SEC23A: variants seen among roughly 807,000 people sequenced by gnomAD.
SEC23A encodes SEC23 homolog A, COPII component, also known as protein transport protein Sec23A.
In SEC23A, 56 loss-of-function variants were observed where a neutral mutation model predicts 103.7. That is an observed-to-expected ratio of 0.54 (90% confidence interval 0.44 to 0.67). The LOEUF is 0.67. Ranked by LOEUF, SEC23A falls within the 30% of genes least tolerant of loss-of-function variation. The pLI is 0.00. For synonymous variants in SEC23A, 281 were observed against 293.0 expected (o/e 0.96, Z 0.42); for missense variants, 784 against 936.4 (o/e 0.84, Z 2.12).
At position 39,092,531 on chromosome 14, in the gene SEC23A, A is replaced by C; in HGVS notation, c.366+10T>G. The C allele has an allele frequency of 6.6e-7, 1 of 1,517,232 alleles. No individual in the cohort carries two copies. The highest frequency in any genetic ancestry group is 1.4e-5 in the African/African-American group (1 of 72,934). The allele number at this position is 1,517,232 out of a possible 1,614,324, so 94.0% of individuals were successfully genotyped here. A position where few individuals can be genotyped will look rare whatever the true frequency, so the allele number is the denominator to read the frequency against. The stretch of plus-strand genomic sequence containing the variant: ...AAAACTTTCTTAAATATTTGTTCTT[A>C]GGTTCTTACCAGAACTACATATTCA... On this transcript the variant is annotated intron_variant, in intron 4 of 19. Coordinates refer to ENST00000307712, the MANE Select transcript of SEC23A (RefSeq NM_006364.4).
chr14:39,047,495 C>CA, intron 15 of SEC23A: 1 of 755,906 alleles, frequency 1.3e-6, no homozygotes, highest in South Asian at 1.8e-5. Flanking sequence ...ATCCTCAAAA[C>CA]AAAAACAACA....
chr14:39,092,039 G>A (rs1034527940), intron 4 of SEC23A, among the ~76,000 whole-genome samples: 2 of 152,124 alleles, frequency 1.3e-5, no homozygotes, highest in African/African-American at 4.8e-5. Flanking sequence ...AACTAGCCAG[G>A]CTGGACAAAT....
chr14:39,086,373 TCACAC>T (rs1887444764), intron 6 of SEC23A, among the ~76,000 whole-genome samples: 1 of 152,166 alleles, frequency 6.6e-6, no homozygotes, highest in South Asian at 2.1e-4. Context: ...GCGCGGTGGC[TCACAC>T]CTGTAATCCC....
At chr14:39,094,077 A>T (rs943530422) in intron 2 of SEC23A, among the ~76,000 whole-genome samples, 1 of 151,392 alleles carries the variant, frequency 6.6e-6, no homozygotes, top group Non-Finnish European at 1.5e-5. Context: ...GCTGCAGTGC[A>T]ATGGTAGAAT....
chr14:39,086,943 T>A lies in SEC23A; in HGVS notation c.669A>T (p.Pro223=). 1 of 1,591,536 alleles carries A rather than the reference T, an allele frequency of 6.3e-7. No homozygotes were observed. Among genetic ancestry groups the A allele is most frequent in the Non-Finnish European group, 8.6e-7 (1 of 1,159,404 alleles). Residue 223 remains proline, a synonymous_variant, in exon 6 of 20, where the codon CCA becomes CCT. Transcript: ENST00000307712. ...ATATTTATTACCTGTTGGAAGGAGG[T>A]GGCTGCTGTACCTGAGGACCACGTG... ...QATRGPQVQQ[P]PPSNRFLQPV... is the part of the protein sequence containing the mutation.
chr14:39,066,265 A>G (rs1886664091), intron 10 of SEC23A, among the ~76,000 whole-genome samples: 1 of 152,078 alleles, frequency 6.6e-6, no homozygotes, highest in African/African-American at 2.4e-5. Context: ...TGTTGGGCAT[A>G]TAGCAAGCAT....
At chr14:39,040,623 C>A (rs1885605977) in intron 18 of SEC23A, 109 bp downstream of exon 18, 2 of 1,388,788 alleles carry the variant, frequency 1.4e-6, no homozygotes, top group Admixed American at 3.4e-5. Context: ...TATCTCCTTA[C>A]CTTTCTGTCT....
chr14:39,101,312 A>G (rs1888083153), intron 1 of SEC23A, among the ~76,000 whole-genome samples: 1 of 152,146 alleles, frequency 6.6e-6, no homozygotes, highest in Admixed American at 6.5e-5. Flanking sequence ...ATATGTGCCC[A>G]AGTCTTTTAA....
At chr14:39,037,181 C>T (rs1027970209) in intron 19 of SEC23A, among the ~76,000 whole-genome samples, 2 of 152,130 alleles carry the variant, frequency 1.3e-5, no homozygotes, top group African/African-American at 4.8e-5. Flanking sequence ...TCACCTTTCT[C>T]ATTCTTGCCC....
intron 5 of SEC23A, among the ~76,000 whole-genome samples, chr14:39,090,020 T>G (rs1477929055): frequency 6.6e-6 from 1 of 152,218 alleles, no homozygotes; most frequent in Non-Finnish European, 1.5e-5. Flanking sequence ...ATTCATTGAC[T>G]AACGCATTCA....
intron 17 of SEC23A, 134 bp downstream of exon 17, chr14:39,042,652 T>C (rs991873311): frequency 1.2e-5 from 8 of 642,430 alleles, no homozygotes; most frequent in Non-Finnish European, 1.9e-5. Context: ...GGCAGCATCA[T>C]ATTTTATTAT....
intron 9 of SEC23A, among the ~76,000 whole-genome samples, chr14:39,073,887 C>T (rs905263084): frequency 1.3e-5 from 2 of 152,004 alleles, no homozygotes; most frequent in Admixed American, 6.6e-5. Context: ...GGATTACAAG[C>T]GTGAGCCACC....
intron 17 of SEC23A, among the ~76,000 whole-genome samples, chr14:39,041,840 G>C (rs1885657659): frequency 6.9e-6 from 1 of 144,786 alleles, no homozygotes; most frequent in African/African-American, 2.5e-5. Flanking sequence ...CTGCACTCCA[G>C]CCTGGGTGAA....
chr14:39,070,834 C>G (rs1191065853), intron 9 of SEC23A, among the ~76,000 whole-genome samples: 1 of 152,118 alleles, frequency 6.6e-6, no homozygotes, highest in African/African-American at 2.4e-5. Context: ...CGAGACTAGC[C>G]TGACCAACAT....
intron 7 of SEC23A, among the ~76,000 whole-genome samples, chr14:39,084,884 T>C (rs1887374804): frequency 6.6e-6 from 1 of 152,172 alleles, no homozygotes; most frequent in African/African-American, 2.4e-5. Flanking sequence ...TTGGCCGTGC[T>C]AGTCTCGAAC....
intron 19 of SEC23A, among the ~76,000 whole-genome samples, chr14:39,035,140 CA>C (rs11358116): frequency 1.5e-3 from 233 of 152,228 alleles, no homozygotes; most frequent in African/African-American, 5.3e-3. Context: ...ATATGAGCCT[CA>C]ATTTCCTCTC....
intron 7 of SEC23A, among the ~76,000 whole-genome samples, chr14:39,080,714 T>G (rs965435903): frequency 2.6e-5 from 4 of 152,124 alleles, no homozygotes; most frequent in Non-Finnish European, 5.9e-5. Context: ...CCGGGAGTTC[T>G]TAAATAAAAT....
chr14:39,037,932 A>T (rs1189053025), intron 19 of SEC23A, among the ~76,000 whole-genome samples: 1 of 152,168 alleles, frequency 6.6e-6, no homozygotes, highest in African/African-American at 2.4e-5. Flanking sequence ...TCGTAAATAT[A>T]CTTTCAACCT....
rs769735185 is a variant in SEC23A, at chr14:39,096,109, A to G, written c.10T>C (p.Tyr4His). The G allele has an allele frequency of 1.2e-6, 2 of 1,610,390 alleles. No individual in the cohort carries two copies. Among genetic ancestry groups the G allele is most frequent in the Non-Finnish European group, 1.7e-6 (2 of 1,176,584 alleles). ...TCATTTTGTTGAATGAATTCCAAAT[A>G]GGTTGTCATTGTGGAGTTTGATTCT... MTTYLEFIQQNEER... is the reference protein window; with the variant it reads MTTHLEFIQQNEER... Residue 4 changes from tyrosine to histidine, a missense_variant, in exon 2 of 20, where the codon TAT (tyrosine) becomes CAT (histidine). By Grantham distance (83) the Tyr-to-His change is moderately conservative (BLOSUM62 2). Transcript: ENST00000307712.
Sources: gnomAD v4.1 joint callset for allele counts (sites outside exome capture counted in the v4.1 genomes callset) on GRCh38, gnomAD v4.1.1 for gene constraint, MANE v1.5 for transcripts, NCBI Gene and HGNC (gene_info 2026-07-23, HGNC 2026-07-21) for gene names.